Variants in HDAC9 observed in about 807,000 individuals in gnomAD.
HDAC9 encodes the protein MEF-2 interacting transcription repressor (MITR) protein.
HDAC9 carries 41 observed loss-of-function variants against 139.4 expected under a neutral mutation model. The observed-to-expected ratio is 0.29, with a 90% CI of 0.23 to 0.38. HDAC9 has a LOEUF of 0.38. HDAC9 is among the 10% of genes least tolerant of loss of function. The probability of loss-of-function intolerance (pLI) is 1.00; values close to 1 mark genes in which losing one functional copy is unlikely to be tolerated. For synonymous variants in HDAC9, 517 were observed against 476.2 expected, an observed-to-expected ratio of 1.09 and a Z score of -1.12; for missense variants, 1,147 against 1,297.0, an observed-to-expected ratio of 0.88 and a Z score of 1.78.
intron 23 of HDAC9, among the ~76,000 whole-genome samples, chr7:18,939,658 A>T (rs576719930): frequency 5.9e-5 from 9 of 152,304 alleles, no homozygotes; most frequent in Non-Finnish European, 8.8e-5. Context: ...ACCATTTTTT[A>T]AAAAGTGCAT....
intron 24 of HDAC9, among the ~76,000 whole-genome samples, chr7:18,961,151 G>A (rs1428923838): frequency 6.6e-6 from 1 of 152,084 alleles, no homozygotes; most frequent in Non-Finnish European, 1.5e-5. Flanking sequence ...AGATCCAGGG[G>A]AGAAGGACAA....
chr7:18,816,839 C>G (rs1422222731), intron 17 of HDAC9, among the ~76,000 whole-genome samples: 1 of 152,134 alleles, frequency 6.6e-6, no homozygotes, highest in East Asian at 1.9e-4. Flanking sequence ...AAAATGGAAT[C>G]CCATATCACT....
chr7:18,095,103 G>A (rs949886190), intron 1 of HDAC9, among the ~76,000 whole-genome samples: 20 of 152,186 alleles, frequency 1.3e-4, no homozygotes, highest in African/African-American at 1.9e-4. Context: ...ATCTCGTAGC[G>A]AAAATCAGAC....
At chr7:18,256,595 T>A (rs1584875268) in intron 2 of HDAC9, among the ~76,000 whole-genome samples, 1 of 152,222 alleles carries the variant, frequency 6.6e-6, no homozygotes, top group East Asian at 1.9e-4. Context: ...CATAAGGAAT[T>A]TTTGAAGCTG....
At chr7:18,859,805 C>T (rs776307853) in intron 21 of HDAC9, among the ~76,000 whole-genome samples, 11 of 106,004 alleles carry the variant, frequency 1.0e-4, no homozygotes, top group African/African-American at 1.4e-4. Context: ...TAAAGGCTAA[C>T]GCTCTCATAT....
At chr7:18,555,364 C>A (rs1818477724) in intron 2 of HDAC9, among the ~76,000 whole-genome samples, 1 of 152,150 alleles carries the variant, frequency 6.6e-6, no homozygotes. Flanking sequence ...CCGAAGTCTT[C>A]AAGAAGTCTG....
chr7:18,678,561 C>T (rs1233547137), intron 12 of HDAC9, among the ~76,000 whole-genome samples: 1 of 151,640 alleles, frequency 6.6e-6, no homozygotes, highest in African/African-American at 2.4e-5. Context: ...ATCTTTTCTT[C>T]CTAGTGGATG....
chr7:18,314,321 C>G (rs989628594), intron 1 of HDAC9, among the ~76,000 whole-genome samples: 1 of 152,166 alleles, frequency 6.6e-6, no homozygotes, highest in Non-Finnish European at 1.5e-5. Flanking sequence ...TGTTTCTAAA[C>G]CAAACCTATA....
At chr7:18,369,953 AT>A (rs1027442389) in intron 1 of HDAC9, among the ~76,000 whole-genome samples, 1 of 151,726 alleles carries the variant, frequency 6.6e-6, no homozygotes, top group South Asian at 2.1e-4. Context: ...CAATGCAATA[AT>A]TTTTTTTTGT....
intron 2 of HDAC9, among the ~76,000 whole-genome samples, chr7:18,584,484 T>C (rs190503625): frequency 6.9e-4 from 105 of 152,332 alleles, no homozygotes; most frequent in Middle Eastern, 3.4e-3. Flanking sequence ...ATATCTATTA[T>C]CTAATTTAAT....
At chr7:18,175,547 G>A (rs752714409) in intron 2 of HDAC9, among the ~76,000 whole-genome samples, 60 of 152,162 alleles carry the variant, frequency 3.9e-4, no homozygotes, top group Non-Finnish European at 7.4e-4. Flanking sequence ...TGTTGATCAC[G>A]ATGGGAGCTG....
chr7:18,813,741 A>C (rs1794359777), intron 17 of HDAC9, among the ~76,000 whole-genome samples: 1 of 152,204 alleles, frequency 6.6e-6, no homozygotes, highest in Non-Finnish European at 1.5e-5. Flanking sequence ...CTGAAAGCTT[A>C]AGTTAGCCAA....
chr7:18,879,569 C>G (rs1488848447), intron 22 of HDAC9, among the ~76,000 whole-genome samples: 3 of 152,068 alleles, frequency 2.0e-5, no homozygotes. Context: ...GGAGAAGACT[C>G]CCTATTCAAT....
intron 13 of HDAC9, among the ~76,000 whole-genome samples, chr7:18,745,695 C>T (rs1325572739): frequency 2.7e-5 from 4 of 150,716 alleles, no homozygotes; most frequent in East Asian, 2.0e-4. Flanking sequence ...TACAGGCGCC[C>T]GCCACCACGC....
At chr7:18,211,172 A>G (rs762709839) in intron 2 of HDAC9, among the ~76,000 whole-genome samples, 1 of 152,224 alleles carries the variant, frequency 6.6e-6, no homozygotes, top group Non-Finnish European at 1.5e-5. Flanking sequence ...TCTAATCAGC[A>G]GCATTTCACC....
chr7:18,854,034 C>G (rs1797495096), intron 21 of HDAC9, among the ~76,000 whole-genome samples: 1 of 152,038 alleles, frequency 6.6e-6, no homozygotes, highest in African/African-American at 2.4e-5. Flanking sequence ...CTCTTAATTC[C>G]TCTAGTATAA....
At chr7:18,903,462 T>C (rs992366633) in intron 22 of HDAC9, among the ~76,000 whole-genome samples, 3 of 152,208 alleles carry the variant, frequency 2.0e-5, no homozygotes, top group Non-Finnish European at 4.4e-5. Flanking sequence ...CTCTTGTCAA[T>C]CTTTCAAATA....
At chr7:18,297,381 C>T (rs1015164407) in intron 1 of HDAC9, among the ~76,000 whole-genome samples, 11 of 152,148 alleles carry the variant, frequency 7.2e-5, no homozygotes, top group South Asian at 2.1e-4. Context: ...TGCCATTAAA[C>T]GGAGTGGACC....
intron 2 of HDAC9, among the ~76,000 whole-genome samples, chr7:18,567,966 T>G (rs1374750489): frequency 2.7e-5 from 4 of 149,162 alleles, no homozygotes; most frequent in Non-Finnish European, 5.9e-5. Context: ...CATTCCAATG[T>G]TGGTTTCTAT....
Sources: allele counts gnomAD v4.1 joint callset (sites outside exome capture counted in the v4.1 genomes callset), GRCh38; gene constraint gnomAD v4.1.1; transcripts MANE v1.5; gene names NCBI Gene and HGNC (gene_info 2026-07-23, HGNC 2026-07-21).